Variants in GRID2 observed in about 807,000 individuals in gnomAD.
The protein encoded by GRID2 is glutamate ionotropic receptor delta type subunit 2.
A neutral mutation model predicts 114.8 loss-of-function variants in GRID2; 33 were observed. The observed-to-expected ratio is 0.29, with a 90% CI of 0.22 to 0.38. GRID2 has a LOEUF of 0.38. GRID2 is among the 10% of genes least tolerant of loss of function. The pLI is 1.00. For synonymous variants in GRID2, 505 were observed against 449.9 expected (o/e 1.12, Z -1.55); for missense variants, 1,184 against 1,257.7 (o/e 0.94, Z 0.89).
chr4:93,683,469 C>T (rs1474527550), intron 14 of GRID2, among the ~76,000 whole-genome samples: 1 of 152,042 alleles, frequency 6.6e-6, no homozygotes, highest in African/African-American at 2.4e-5. Context: ...ACTCTGCTTA[C>T]TGTAAATGCA....
intron 1 of GRID2, among the ~76,000 whole-genome samples, chr4:92,319,845 A>T (rs551181176): frequency 6.6e-6 from 1 of 152,220 alleles, no homozygotes; most frequent in African/African-American, 2.4e-5. Flanking sequence ...AGTTTTAATC[A>T]GGAATAATAA....
intron 3 of GRID2, among the ~76,000 whole-genome samples, chr4:93,094,463 C>A (rs892121644): frequency 2.0e-5 from 3 of 152,066 alleles, no homozygotes; most frequent in Non-Finnish European, 2.9e-5. Context: ...CTATGGCACT[C>A]AGTCCAGTAT....
chr4:93,421,336 AT>A (rs957895618), intron 9 of GRID2, among the ~76,000 whole-genome samples: 4 of 152,196 alleles, frequency 2.6e-5, no homozygotes, highest in African/African-American at 9.7e-5. Flanking sequence ...ATATAAAAAA[AT>A]ATAATTAGAG....
intron 2 of GRID2, among the ~76,000 whole-genome samples, chr4:92,853,649 A>G (rs896860277): frequency 7.2e-5 from 11 of 152,054 alleles, no homozygotes; most frequent in African/African-American, 2.2e-4. Flanking sequence ...TTATTAAATT[A>G]GTTAAAATTA....
chr4:92,717,218 T>A (rs1735593926), intron 2 of GRID2, among the ~76,000 whole-genome samples: 1 of 152,138 alleles, frequency 6.6e-6, no homozygotes, highest in African/African-American at 2.4e-5. Flanking sequence ...TACGTACTTT[T>A]CTGACCTGAG....
chr4:92,607,631 C>T (rs1406860968), intron 2 of GRID2, among the ~76,000 whole-genome samples: 2 of 151,834 alleles, frequency 1.3e-5, no homozygotes, highest in Admixed American at 1.3e-4. Flanking sequence ...CCCAGACTTA[C>T]TCATTAAATA....
intron 1 of GRID2, among the ~76,000 whole-genome samples, chr4:92,585,461 A>G (rs1055185586): frequency 3.6e-4 from 54 of 152,032 alleles, no homozygotes; most frequent in African/African-American, 1.3e-3. Flanking sequence ...AAATCCAACG[A>G]AATATTTATG....
At chr4:92,936,532 A>G (rs1227153796) in intron 2 of GRID2, among the ~76,000 whole-genome samples, 1 of 146,280 alleles carries the variant, frequency 6.8e-6, no homozygotes, top group Non-Finnish European at 1.5e-5. Flanking sequence ...ATTATCTAGT[A>G]TTTAATCATG....
chr4:93,695,716 A>G (rs1726960357), intron 14 of GRID2, among the ~76,000 whole-genome samples: 1 of 152,188 alleles, frequency 6.6e-6, no homozygotes, highest in African/African-American at 2.4e-5. Flanking sequence ...CTAGTTGATT[A>G]GGAGACAGCC....
At chr4:93,633,400 T>C (rs1027235788) in intron 14 of GRID2, among the ~76,000 whole-genome samples, 2 of 152,124 alleles carry the variant, frequency 1.3e-5, no homozygotes, top group Admixed American at 6.5e-5. Context: ...TCTTACACTT[T>C]ACCTCTTGTT....
chr4:92,369,206 A>T (rs1729006745), intron 1 of GRID2, among the ~76,000 whole-genome samples: 1 of 152,052 alleles, frequency 6.6e-6, no homozygotes, highest in African/African-American at 2.4e-5. Context: ...CTTTTGACTC[A>T]ATGACCTAAT....
intron 2 of GRID2, among the ~76,000 whole-genome samples, chr4:92,694,690 C>T (rs997201406): frequency 1.3e-5 from 2 of 152,130 alleles, no homozygotes; most frequent in African/African-American, 4.8e-5. Context: ...TGACATCTTG[C>T]TTTGGAACTG....
intron 1 of GRID2, among the ~76,000 whole-genome samples, chr4:92,479,501 T>G (rs1314424863): frequency 6.6e-6 from 1 of 152,184 alleles, no homozygotes; most frequent in African/African-American, 2.4e-5. Flanking sequence ...TACCTCCGTA[T>G]TGTTCTGTTT....
At chr4:93,036,405 T>A (rs1373612981) in intron 2 of GRID2, among the ~76,000 whole-genome samples, 6 of 152,142 alleles carry the variant, frequency 3.9e-5, no homozygotes, top group Admixed American at 3.3e-4. Context: ...TTATTTCTTA[T>A]GGTAAAACAA....
chr4:92,515,461 CT>C (rs1182656461), intron 1 of GRID2, among the ~76,000 whole-genome samples: 1 of 151,772 alleles, frequency 6.6e-6, no homozygotes, highest in Non-Finnish European at 1.5e-5. Context: ...TATTTTTTCA[CT>C]TGTTAATTTA....
At chr4:93,543,508 T>C in intron 13 of GRID2, among the ~76,000 whole-genome samples, 1 of 152,180 alleles carries the variant, frequency 6.6e-6, no homozygotes, top group East Asian at 1.9e-4. Context: ...ATAAACTGGA[T>C]TGTCAGCATG....
intron 10 of GRID2, among the ~76,000 whole-genome samples, chr4:93,440,825 G>A (rs1350354943): frequency 6.6e-6 from 1 of 152,064 alleles, no homozygotes; most frequent in East Asian, 1.9e-4. Flanking sequence ...CAAACAGCAA[G>A]GAGCAATTCA....
intron 2 of GRID2, among the ~76,000 whole-genome samples, chr4:92,736,772 C>G (rs1030514630): frequency 1.3e-5 from 2 of 152,110 alleles, no homozygotes; most frequent in Non-Finnish European, 2.9e-5. Context: ...TTTCTTCTAA[C>G]AGTCCCAAGT....
intron 8 of GRID2, among the ~76,000 whole-genome samples, chr4:93,366,409 AG>A (rs1000365877): frequency 1.3e-5 from 2 of 152,076 alleles, no homozygotes; most frequent in Non-Finnish European, 2.9e-5. Context: ...CAGGCTTATT[AG>A]GAAGAGGAAA....
Sources: gnomAD v4.1 joint callset for allele counts (sites outside exome capture counted in the v4.1 genomes callset) on GRCh38, gnomAD v4.1.1 for gene constraint, MANE v1.5 for transcripts, NCBI Gene and HGNC (gene_info 2026-07-23, HGNC 2026-07-21) for gene names.